The following ARPC1A variants were observed in gnomAD, a reference collection of about 807,000 sequenced individuals.
ARPC1A encodes the protein actin-related protein 2/3 complex subunit 1A.
Under a neutral mutation model 46.9 loss-of-function variants are expected in ARPC1A, and 8 were observed. That is an observed-to-expected ratio of 0.17 (90% CI 0.10 to 0.31). The LOEUF is 0.31. Among genes scored for constraint, ARPC1A ranks in the 10% least tolerant of loss-of-function variants. The pLI, the probability that ARPC1A is intolerant of heterozygous loss-of-function variation, is 1.00. For missense variants in ARPC1A, 286 were observed against 483.6 expected (o/e 0.59, Z 3.83); for synonymous variants, 152 against 169.0 (o/e 0.90, Z 0.78).
intron 4 of ARPC1A, among the ~76,000 whole-genome samples, chr7:99,347,654 A>T (rs1257127203): frequency 6.6e-6 from 1 of 152,086 alleles, no homozygotes; most frequent in East Asian, 1.9e-4. Context: ...CAGTGAGCTG[A>T]CATTGCGCCA....
At chr7:99,365,840 TC>T (rs1210894466) in intron 9 of ARPC1A, 50 bp from the exon 10 acceptor site, 6 of 1,533,070 alleles carry the variant, frequency 3.9e-6, no homozygotes, top group African/African-American at 1.4e-5. Flanking sequence ...CATACCTACC[TC>T]GGGGTAGACA....
chr7:99,345,609 G>A (rs989192017), intron 4 of ARPC1A, among the ~76,000 whole-genome samples: 7 of 151,642 alleles, frequency 4.6e-5, no homozygotes, highest in Non-Finnish European at 8.8e-5. Flanking sequence ...AGTGAGCCAA[G>A]ATCGTGCCAC....
intron 2 of ARPC1A, among the ~76,000 whole-genome samples, chr7:99,337,422 A>C (rs1233651927): frequency 6.6e-6 from 1 of 152,154 alleles, no homozygotes; most frequent in Non-Finnish European, 1.5e-5. Context: ...ACACTATCTC[A>C]AAAAAGAAAA....
chr7:99,352,129 C>T (rs1793551669), intron 5 of ARPC1A, among the ~76,000 whole-genome samples: 1 of 152,150 alleles, frequency 6.6e-6, no homozygotes, highest in Admixed American at 6.6e-5. Context: ...CAAATAGTTT[C>T]TGCTCTCCCA....
chr7:99,360,511 G>C (rs1276690613), intron 8 of ARPC1A, among the ~76,000 whole-genome samples: 1 of 151,858 alleles, frequency 6.6e-6, no homozygotes, highest in Non-Finnish European at 1.5e-5. Flanking sequence ...ATTTTTAGTA[G>C]AGACGGAGTT....
intron 4 of ARPC1A, among the ~76,000 whole-genome samples, chr7:99,346,747 A>G (rs1348280274): frequency 6.6e-6 from 1 of 152,224 alleles, no homozygotes; most frequent in Non-Finnish European, 1.5e-5. Context: ...TGCGAGGCCA[A>G]GGCAGGCGGA....
At chr7:99,343,392 G>A (rs1052361019) in intron 3 of ARPC1A, among the ~76,000 whole-genome samples, 2 of 150,216 alleles carry the variant, frequency 1.3e-5, no homozygotes, top group African/African-American at 4.9e-5. Flanking sequence ...CTTGAACCCG[G>A]GAGGCGGAGG....
rs770851803 is a variant in ARPC1A, at chr7:99,359,531, G to A, written c.790-14G>A. Reference sequence around the variant, plus strand: ...GCAGTGCATCCTCCAGGGACTGACTGAGTCTTGTTTCAGGGCCATGACTGC... The same window carrying A: ...GCAGTGCATCCTCCAGGGACTGACTAAGTCTTGTTTCAGGGCCATGACTGC... On this transcript the variant is annotated splice_polypyrimidine_tract_variant and intron_variant, in intron 7 of 9. Transcript: ENST00000262942. 2 of 1,613,496 alleles carry A rather than the reference G, an allele frequency of 1.2e-6. No individual in the cohort carries two copies. Among genetic ancestry groups the A allele is most frequent in the South Asian group, 1.1e-5 (1 of 91,040 alleles).
intron 3 of ARPC1A, 93 bp downstream of exon 3, chr7:99,338,378 ATTT>A (rs754747240): frequency 0.014 from 3,283 of 240,990 alleles, no homozygotes; most frequent in South Asian, 0.021. Context: ...GGTGGCCATA[ATTT>A]TTTTTTTTTT....
chr7:99,329,174 C>G (rs907437714), intron 1 of ARPC1A, among the ~76,000 whole-genome samples: 3 of 150,016 alleles, frequency 2.0e-5, no homozygotes, highest in Admixed American at 6.7e-5. Flanking sequence ...GGTGGCGGGC[C>G]CCTGTAGTCC....
At chr7:99,364,166 G>A (rs1159074889) in intron 9 of ARPC1A, among the ~76,000 whole-genome samples, 1 of 151,982 alleles carries the variant, frequency 6.6e-6, no homozygotes, top group Non-Finnish European at 1.5e-5. Context: ...TGTTGGCCAA[G>A]CTGGTCTTGA....
chr7:99,359,125 C>T (rs1452069341), intron 7 of ARPC1A, among the ~76,000 whole-genome samples: 5 of 151,248 alleles, frequency 3.3e-5, no homozygotes, highest in Non-Finnish European at 7.4e-5. Context: ...GCCACCGTGC[C>T]CGGCCGCTCA....
intron 3 of ARPC1A, among the ~76,000 whole-genome samples, chr7:99,340,424 A>G (rs1793338588): frequency 6.6e-6 from 1 of 151,748 alleles, no homozygotes; most frequent in Admixed American, 6.6e-5. Flanking sequence ...TGGCCTCCCA[A>G]AGTGTTGAGA....
At chr7:99,361,140 G>T (rs2150875057) in intron 8 of ARPC1A, among the ~76,000 whole-genome samples, 1 of 152,198 alleles carries the variant, frequency 6.6e-6, no homozygotes, top group East Asian at 1.9e-4. Flanking sequence ...TGAAATGCAG[G>T]TTGTGCTTCA....
intron 3 of ARPC1A, among the ~76,000 whole-genome samples, chr7:99,341,556 C>A (rs1282660538): frequency 2.7e-5 from 4 of 150,352 alleles, no homozygotes. Context: ...TTACGGTGAG[C>A]CGAGATTGTG....
intron 5 of ARPC1A, among the ~76,000 whole-genome samples, chr7:99,352,772 C>T (rs1562801134): frequency 6.6e-6 from 1 of 151,964 alleles, no homozygotes; most frequent in Non-Finnish European, 1.5e-5. Context: ...CAAGACCAGC[C>T]TGGTCAACAT....
chr7:99,330,063 TAAAA>T (rs549591360), intron 1 of ARPC1A, among the ~76,000 whole-genome samples: 3 of 144,026 alleles, frequency 2.1e-5, no homozygotes, highest in African/African-American at 7.6e-5. Context: ...GAAGTTCTTG[TAAAA>T]AAAAAAAACA....
chr7:99,355,965 G>C (rs1793621898), intron 6 of ARPC1A, among the ~76,000 whole-genome samples: 1 of 152,208 alleles, frequency 6.6e-6, no homozygotes, highest in South Asian at 2.1e-4. Context: ...TTCTTTGTGA[G>C]TGGCGTGTCT....
intron 6 of ARPC1A, among the ~76,000 whole-genome samples, chr7:99,357,955 C>G (rs1161499087): frequency 1.3e-5 from 2 of 152,142 alleles, no homozygotes; most frequent in Non-Finnish European, 2.9e-5. Flanking sequence ...TGTCTGCTGC[C>G]AAGTCATAGT....
Sources: allele counts gnomAD v4.1 joint callset (sites outside exome capture counted in the v4.1 genomes callset), GRCh38; gene constraint gnomAD v4.1.1; transcripts MANE v1.5; gene names NCBI Gene and HGNC (gene_info 2026-07-23, HGNC 2026-07-21).